WTIP: variants seen among roughly 807,000 people sequenced by gnomAD.
WTIP encodes the protein WT1 interacting protein.
WTIP carries 23 observed loss-of-function variants against 41.7 expected under a neutral mutation model. That is an observed-to-expected ratio of 0.55 (90% CI 0.40 to 0.78). WTIP has a LOEUF of 0.78. Ranked by LOEUF, WTIP falls within the 30% of genes least tolerant of loss-of-function variation. The pLI is 0.00. For synonymous variants in WTIP, 314 were observed against 269.9 expected (o/e 1.16, Z -1.60); for missense variants, 619 against 610.5 (o/e 1.01, Z -0.15).
intron 7 of WTIP, among the ~76,000 whole-genome samples, chr19:34,499,826 A>G (rs1008558325): frequency 3.1e-4 from 47 of 151,896 alleles, no homozygotes; most frequent in Non-Finnish European, 6.5e-4. Context: ...CAGCCTCCCA[A>G]GGAGCTGGGA....
At chr19:34,490,342 TA>T in intron 1 of WTIP, 33 bp from the exon 2 acceptor site, 1 of 1,605,418 alleles carries the variant, frequency 6.2e-7, no homozygotes. Flanking sequence ...GCTGTGGCGC[TA>T]ACCCCTGCTC....
At chr19:34,487,020 C>T (rs888163658) in intron 1 of WTIP, among the ~76,000 whole-genome samples, 7 of 151,568 alleles carry the variant, frequency 4.6e-5, no homozygotes, top group Admixed American at 2.0e-4. Flanking sequence ...GCCTGAACTC[C>T]TGGCCTCAAG....
intron 7 of WTIP, among the ~76,000 whole-genome samples, chr19:34,495,972 C>T (rs1432134480): frequency 2.0e-5 from 3 of 152,156 alleles, no homozygotes; most frequent in East Asian, 3.9e-4. Context: ...GCCTGGCCAA[C>T]ATGGTGAAAC....
Position 34,493,552 on chromosome 19 carries a change from G to A in WTIP, c.961G>A (p.Glu321Lys). 2 of 1,613,740 alleles carry A rather than the reference G, an allele frequency of 1.2e-6. No homozygotes were observed. The highest frequency in any genetic ancestry group is 1.7e-6 in the Non-Finnish European group (2 of 1,179,888). ...CTGCTTCCGGTGCTCCGTGTGCAAT[G>A]AGTGCCTGGACGGGGTTCCCTTCAC... Reference protein sequence around the residue: ...PGCFRCSVCNECLDGVPFTVD... With the variant: ...PGCFRCSVCNKCLDGVPFTVD... The change falls in exon 5 of 8, where the codon GAG becomes AAG. Residue 321 changes from glutamate to lysine, a missense_variant. Coordinates refer to ENST00000590071, the MANE Select transcript of WTIP (RefSeq NM_001080436.2). The surrounding 1 kb of genome is among the most constrained non-coding windows in gnomAD (Gnocchi z 4.1).
chr19:34,486,965 C>T (rs1301542424), intron 1 of WTIP, among the ~76,000 whole-genome samples: 1 of 150,982 alleles, frequency 6.6e-6, no homozygotes, highest in Non-Finnish European at 1.5e-5. Flanking sequence ...GGATCTAGCT[C>T]TGTTGCCAGG....
In WTIP at chr19:34,511,705, CTG is replaced by C. The variant is rs1474842232; in HGVS notation, c.*11438_*11439del. The stretch of plus-strand genomic sequence containing the variant: ...GGTATTGCCAATAAGAAAACAAAGT[CTG>C]TATCAATTTGATGAAAATAATTTGA... On this transcript the variant is annotated 3_prime_UTR_variant, in exon 8 of 8. Coordinates refer to ENST00000590071, the MANE Select transcript of WTIP (RefSeq NM_001080436.2). 1 of 152,154 alleles carries C rather than the reference CTG, an allele frequency of 6.6e-6. No individual in the cohort carries two copies. The highest frequency in any genetic ancestry group is 6.6e-5 in the Admixed American group (1 of 15,266). 9.4% of individuals were successfully genotyped at this position (152,154 alleles called of 1,614,324 possible). A position where few individuals can be genotyped will look rare whatever the true frequency, so the allele number is the denominator to read the frequency against.
At position 34,507,983 on chromosome 19, in the gene WTIP, C is replaced by T. The variant is rs1057357181; in HGVS notation, c.*7714C>T. 1 of 152,252 alleles carries T rather than the reference C, an allele frequency of 6.6e-6. No homozygotes were observed. Among genetic ancestry groups the T allele is most frequent in the Non-Finnish European group, 1.5e-5 (1 of 68,076 alleles). 9.4% of individuals were successfully genotyped at this position (152,252 alleles called of 1,614,324 possible). ...CTTCCCTTGAGACCCACCAGGCTCT[C>T]TTTCAGTCACAGCATCTTCCTCCTG... On this transcript the variant is annotated 3_prime_UTR_variant, in exon 8 of 8. Transcript: ENST00000590071.
At chr19:34,489,148 G>A (rs1002605652) in intron 1 of WTIP, among the ~76,000 whole-genome samples, 2 of 122,562 alleles carry the variant, frequency 1.6e-5, no homozygotes, top group Non-Finnish European at 3.2e-5. Flanking sequence ...GCAGTGAGTC[G>A]AGATCACGCC....
At chr19:34,496,320 G>T (rs369604810) in intron 7 of WTIP, among the ~76,000 whole-genome samples, 1 of 152,110 alleles carries the variant, frequency 6.6e-6, no homozygotes, top group Non-Finnish European at 1.5e-5. Flanking sequence ...ACAGGCTCGC[G>T]CCGCCACATT....
intron 7 of WTIP, among the ~76,000 whole-genome samples, chr19:34,498,935 C>T (rs970036407): frequency 3.9e-5 from 6 of 151,982 alleles, no homozygotes; most frequent in Non-Finnish European, 7.4e-5. Context: ...TGGCTGGGTG[C>T]GGTGGCTCAC....
chr19:34,482,103 C>G lies in WTIP; in HGVS notation c.129C>G (p.Asp43Glu), dbSNP rs1467503964. 9 of 1,042,990 alleles carry G rather than the reference C, an allele frequency of 8.6e-6. No individual in the cohort carries two copies. Among genetic ancestry groups the G allele is most frequent in the Non-Finnish European group, 1.0e-5 (9 of 868,844 alleles). The allele number at this position is 1,042,990 out of a possible 1,614,324, so 64.6% of individuals were successfully genotyped here. ...GGGGGCCGCGGCCTGGGCCTGGAGACGAGGCGGCGCCCGCGCTGGGCCGCA... is the reference window on the plus strand; with the variant it reads ...GGGGGCCGCGGCCTGGGCCTGGAGAGGAGGCGGCGCCCGCGCTGGGCCGCA... ...GRRGPRPGPG[D>E]EAAPALGRRG... The change falls in exon 1 of 8, where the codon GAC becomes GAG. Residue 43 changes from aspartate to glutamate, a missense_variant. Physicochemically the swap from Asp to Glu is conservative, Grantham distance 45. Coordinates refer to ENST00000590071, the MANE Select transcript of WTIP (RefSeq NM_001080436.2).
intron 7 of WTIP, 49 bp downstream of exon 7, chr19:34,495,820 A>G (rs1393353757): frequency 6.3e-7 from 1 of 1,586,950 alleles, no homozygotes; most frequent in Non-Finnish European, 8.6e-7. Flanking sequence ...GCCTCCTCCC[A>G]CAGGGCTCTC....
chr19:34,494,496 C>T lies in WTIP; in HGVS notation c.1032-90C>T, dbSNP rs376051538. The T allele has an allele frequency of 1.3e-5, 17 of 1,305,518 alleles. No individual in the cohort carries two copies. In the South Asian group the frequency reaches 1.5e-4, roughly 11 times the overall value. The allele number at this position is 1,305,518 out of a possible 1,614,324, so 80.9% of individuals were successfully genotyped here. On this transcript the variant is annotated intron_variant, in intron 5 of 7. Transcript: ENST00000590071. ...GAGAGAGGGCCTGATACTTGGGCTA[C>T]GTCAGTGGGTTCCTGTGGGTGCCCC...
intron 2 of WTIP, among the ~76,000 whole-genome samples, chr19:34,491,855 A>G (rs180872436): frequency 5.9e-5 from 9 of 152,010 alleles, no homozygotes; most frequent in African/African-American, 1.9e-4. Context: ...AGTGTTAGTC[A>G]GGATGGTCTC....
intron 6 of WTIP, among the ~76,000 whole-genome samples, 186 bp from the exon 7 acceptor site, chr19:34,495,517 G>A (rs1029532882): frequency 2.6e-5 from 4 of 152,230 alleles, no homozygotes; most frequent in South Asian, 4.1e-4. Context: ...CCTAAGGCCC[G>A]CATGTGTCTG....
At position 34,502,298 on chromosome 19, in the gene WTIP, C is replaced by T. The variant is rs1201137153; in HGVS notation, c.*2029C>T. 2.7e-5 allele frequency: 4 copies of T among 150,066 alleles called. No individual in the cohort carries two copies. The highest frequency in any genetic ancestry group is 4.4e-5 in the Non-Finnish European group (3 of 67,918). The allele number at this position is 150,066 out of a possible 1,614,324, so 9.3% of individuals were successfully genotyped here. On this transcript the variant is annotated 3_prime_UTR_variant, in exon 8 of 8. Transcript: ENST00000590071. ...TGAGACAGGGTCTCGTTCTGTCGCC[C>T]AGGCTGGAGTGCGTTGGCACAATCT...
At chr19:34,492,225 G>T (rs1466626138) in intron 2 of WTIP, among the ~76,000 whole-genome samples, 5 of 147,438 alleles carry the variant, frequency 3.4e-5, no homozygotes, top group Non-Finnish European at 7.4e-5. Context: ...TGATCTTCCT[G>T]CCTCAGCCCC....
At chr19:34,495,477 G>A (rs1004819758) in intron 6 of WTIP, among the ~76,000 whole-genome samples, 2 of 152,164 alleles carry the variant, frequency 1.3e-5, no homozygotes, top group Admixed American at 6.5e-5. Flanking sequence ...GGGCCTTTGT[G>A]CGTACTGTGG....
intron 7 of WTIP, among the ~76,000 whole-genome samples, chr19:34,496,671 G>A (rs1224247382): frequency 2.6e-5 from 4 of 151,652 alleles, no homozygotes; most frequent in Non-Finnish European, 5.9e-5. Context: ...TGGATGTGGG[G>A]GGTTGGGGGT....
Sources: allele counts gnomAD v4.1 joint callset (sites outside exome capture counted in the v4.1 genomes callset), GRCh38; gene constraint gnomAD v4.1.1; non-coding constraint Gnocchi (gnomAD v3.1); transcripts MANE v1.5; gene names NCBI Gene and HGNC (gene_info 2026-07-23, HGNC 2026-07-21).